Variants in FAM117B observed in about 807,000 individuals in gnomAD.
FAM117B encodes protein FAM117B.
In FAM117B, 22 loss-of-function variants were observed where a neutral mutation model predicts 52.8. The ratio of observed to expected loss-of-function variants is 0.42; its 90% CI spans 0.30 to 0.59. FAM117B has a LOEUF of 0.59. Ranked by LOEUF, FAM117B falls within the 20% of genes least tolerant of loss-of-function variation. The pLI, the probability that FAM117B is intolerant of heterozygous loss-of-function variation, is 0.22. For synonymous variants in FAM117B, 309 were observed against 324.1 expected, an observed-to-expected ratio of 0.95 and a Z score of 0.50; for missense variants, 678 against 802.6, an observed-to-expected ratio of 0.84 and a Z score of 1.88.
intron 4 of FAM117B, among the ~76,000 whole-genome samples, chr2:202,732,991 A>G (rs1691380922): frequency 6.6e-6 from 1 of 152,098 alleles, no homozygotes; most frequent in Non-Finnish European, 1.5e-5. Flanking sequence ...AACCGCCCCC[A>G]ATATTTCAAC....
At chr2:202,673,461 T>TTTTTTTTTTTTTC (rs1559099191) in intron 1 of FAM117B, among the ~76,000 whole-genome samples, 1 of 120,404 alleles carries the variant, frequency 8.3e-6, no homozygotes, top group African/African-American at 2.9e-5. Context: ...TTTTTTTTTT[T>TTTTTTTTTTTTTC]TTTTGAGACG....
In FAM117B at chr2:202,768,235, G is replaced by T. The variant is rs1692014474; in HGVS notation, c.*2471G>T. Reference sequence around the variant, plus strand: ...CCACTCTGTAGAGGTTTTCCCTTTTGCTCTGTTGTGCCTATTTGTCTAATT... The same window carrying T: ...CCACTCTGTAGAGGTTTTCCCTTTTTCTCTGTTGTGCCTATTTGTCTAATT... On this transcript the variant is annotated 3_prime_UTR_variant, in exon 8 of 8. Coordinates refer to ENST00000392238, the MANE Select transcript of FAM117B (RefSeq NM_173511.4). The T allele has an allele frequency of 6.6e-6, 1 of 152,072 alleles. No individual in the cohort carries two copies. Among genetic ancestry groups the T allele is most frequent in the Admixed American group, 6.5e-5 (1 of 15,276 alleles). 9.4% of individuals were successfully genotyped at this position (152,072 alleles called of 1,614,324 possible).
intron 2 of FAM117B, among the ~76,000 whole-genome samples, chr2:202,707,330 G>A (rs1382303098): frequency 1.3e-5 from 2 of 151,792 alleles, no homozygotes; most frequent in Non-Finnish European, 2.9e-5. Flanking sequence ...GATTACAGGT[G>A]TGGTCCACTG....
intron 7 of FAM117B, among the ~76,000 whole-genome samples, chr2:202,763,327 C>T (rs1691925644): frequency 6.6e-6 from 1 of 152,136 alleles, no homozygotes; most frequent in Non-Finnish European, 1.5e-5. Flanking sequence ...TCGCCTTGGC[C>T]TCCCAAAGTG....
chr2:202,679,561 G>A (rs1690431766), intron 1 of FAM117B, among the ~76,000 whole-genome samples: 1 of 152,174 alleles, frequency 6.6e-6, no homozygotes, highest in Admixed American at 6.5e-5. Flanking sequence ...GAGTTGTTAA[G>A]CACTTACCAG....
chr2:202,759,780 A>G (rs1171485456), intron 7 of FAM117B, among the ~76,000 whole-genome samples: 1 of 150,466 alleles, frequency 6.6e-6, no homozygotes, highest in Non-Finnish European at 1.5e-5. Context: ...GATGGTCTCA[A>G]TCTCCTGACT....
chr2:202,678,936 T>A (rs2105769289), intron 1 of FAM117B, among the ~76,000 whole-genome samples: 1 of 152,320 alleles, frequency 6.6e-6, no homozygotes, highest in South Asian at 2.1e-4. Flanking sequence ...GGGGTTTTCC[T>A]GCTAGATGAG....
At chr2:202,721,506 C>G (rs1405421811) in intron 2 of FAM117B, among the ~76,000 whole-genome samples, 3 of 152,042 alleles carry the variant, frequency 2.0e-5, no homozygotes, top group Non-Finnish European at 4.4e-5. Context: ...ACTACTTGGC[C>G]TAATGGAATG....
chr2:202,755,200 A>G (rs970779548), intron 4 of FAM117B, among the ~76,000 whole-genome samples: 3 of 152,166 alleles, frequency 2.0e-5, no homozygotes, highest in Non-Finnish European at 4.4e-5. Flanking sequence ...TTGTGGCACT[A>G]GGAGAGTTTA....
chr2:202,651,769 A>G (rs544850027), intron 1 of FAM117B, among the ~76,000 whole-genome samples: 4 of 152,072 alleles, frequency 2.6e-5, no homozygotes, highest in African/African-American at 9.6e-5. Flanking sequence ...ATATTTTCCT[A>G]TTGTGCATGT....
At chr2:202,733,229 A>G (rs1691385295) in intron 4 of FAM117B, among the ~76,000 whole-genome samples, 1 of 152,202 alleles carries the variant, frequency 6.6e-6, no homozygotes, top group Admixed American at 6.5e-5. Context: ...AGGGCAATAA[A>G]GATCACAAGG....
chr2:202,637,188 C>A (rs1311289116), intron 1 of FAM117B, among the ~76,000 whole-genome samples: 2 of 152,026 alleles, frequency 1.3e-5, no homozygotes, highest in Admixed American at 1.3e-4. Flanking sequence ...TGCGCCACTG[C>A]GCCCGGCCCG....
At chr2:202,754,955 G>A (rs1342978719) in intron 4 of FAM117B, among the ~76,000 whole-genome samples, 1 of 150,896 alleles carries the variant, frequency 6.6e-6, no homozygotes, top group Non-Finnish European at 1.5e-5. Context: ...GAAGCATGAC[G>A]CTGGCATTTA....
chr2:202,708,253 A>G (rs914788137), intron 2 of FAM117B, among the ~76,000 whole-genome samples: 2 of 152,168 alleles, frequency 1.3e-5, no homozygotes, highest in Non-Finnish European at 2.9e-5. Flanking sequence ...CCTAGCAATC[A>G]CCATTCCATT....
chr2:202,750,893 G>T (rs2105797499), intron 4 of FAM117B, among the ~76,000 whole-genome samples: 1 of 152,194 alleles, frequency 6.6e-6, no homozygotes, highest in Admixed American at 6.5e-5. Flanking sequence ...ACATGAAGGG[G>T]CAAAGGAAGA....
intron 4 of FAM117B, among the ~76,000 whole-genome samples, chr2:202,746,400 C>A (rs1691634133): frequency 6.6e-6 from 1 of 151,870 alleles, no homozygotes; most frequent in Admixed American, 6.6e-5. Flanking sequence ...AAAAAAATTT[C>A]TTGAAGCAAA....
intron 1 of FAM117B, among the ~76,000 whole-genome samples, chr2:202,683,066 GCCTAT>G (rs1483561191): frequency 6.6e-6 from 1 of 152,152 alleles, no homozygotes; most frequent in African/African-American, 2.4e-5. Flanking sequence ...AGTGGCTCAT[GCCTAT>G]AATCCTAGCA....
At chr2:202,746,478 A>T (rs1430858372) in intron 4 of FAM117B, among the ~76,000 whole-genome samples, 1 of 144,028 alleles carries the variant, frequency 6.9e-6, no homozygotes, top group African/African-American at 2.5e-5. Context: ...AGGAAAGTAT[A>T]TACCAATAAA....
chr2:202,635,522 A>G lies in FAM117B; in HGVS notation c.335A>G (p.Gln112Arg). 1 of 1,126,490 alleles carries G rather than the reference A, an allele frequency of 8.9e-7. No individual in the cohort carries two copies. The highest frequency in any genetic ancestry group is 1.1e-6 in the Non-Finnish European group (1 of 923,640). The allele number at this position is 1,126,490 out of a possible 1,614,324, so 69.8% of individuals were successfully genotyped here. ...AARTSPTVAT[Q>R]TGASATSTRG... ...CGCACCAGCCCCACGGTGGCCACGC[A>G]GACGGGCGCGTCCGCGACGTCCACG... is the stretch of plus-strand genomic sequence containing the variant. Residue 112 changes from glutamine (Q) to arginine (R), a missense_variant, in exon 1 of 8, where the codon CAG becomes CGG. Gln to Arg is a conservative substitution (Grantham distance 43). Transcript: ENST00000392238.
Sources: allele counts gnomAD v4.1 joint callset (sites outside exome capture counted in the v4.1 genomes callset), GRCh38; gene constraint gnomAD v4.1.1; transcripts MANE v1.5; gene names NCBI Gene and HGNC (gene_info 2026-07-23, HGNC 2026-07-21).